KCNH1: variants seen among roughly 807,000 people sequenced by gnomAD.
KCNH1 encodes the protein voltage-gated delayed rectifier potassium channel KCNH1.
In KCNH1, 27 loss-of-function variants were observed where a neutral mutation model predicts 69.2. The observed-to-expected ratio is 0.39, with a 90% CI of 0.29 to 0.54. The LOEUF is 0.54. Ranked by LOEUF, KCNH1 falls within the 20% of genes least tolerant of loss-of-function variation. The pLI is 0.68. For synonymous variants in KCNH1, 456 were observed against 487.7 expected (o/e 0.93, Z 0.86); for missense variants, 798 against 1,261.6 (o/e 0.63, Z 5.57).
intron 1 of KCNH1, chr1:211,132,464 C>T (rs1470439376): frequency 3.3e-5 from 5 of 152,024 alleles, no homozygotes; most frequent in African/African-American, 1.2e-4. Flanking sequence ...AGGTGACTGA[C>T]CAGAAACACT....
rs146725201 is a variant in KCNH1 at position 210,868,913 on chromosome 1, G to T, written c.1462+50727C>A. ...TGTATAGATCTAAATTTCATTGATA[G>T]TATTTGCCTTGCATCTGAAGAACTT... On this transcript the variant is annotated intron_variant, in intron 7 of 10. Transcript: ENST00000271751. Among the ~76,000 whole-genome samples, 24 of 152,174 alleles carry T rather than the reference G, an allele frequency of 1.6e-4. No individual in the cohort carries two copies. In the East Asian group the frequency reaches 4.6e-3, roughly 29 times the overall value.
chr1:211,068,685 C>A lies in KCNH1; in HGVS notation c.558+14095G>T, dbSNP rs533533364. Reference sequence around the variant, plus strand: ...CTGGGATTACAGGCGTGAGCCACTGCGCCTGGCAACAACTCTTCTTAGATA... The same window carrying A: ...CTGGGATTACAGGCGTGAGCCACTGAGCCTGGCAACAACTCTTCTTAGATA... On this transcript the variant is annotated intron_variant, in intron 5 of 10. Transcript: ENST00000271751. Among the ~76,000 whole-genome samples, 17 of 152,254 alleles carry A rather than the reference C, an allele frequency of 1.1e-4. No homozygotes were observed. In the Middle Eastern group the frequency reaches 0.014, roughly 122 times the overall value.
At chr1:210,895,214 G>A (rs1000387069) in intron 7 of KCNH1, among the ~76,000 whole-genome samples, 2 of 149,472 alleles carry the variant, frequency 1.3e-5, no homozygotes, top group African/African-American at 4.9e-5. Flanking sequence ...ATATAACCTT[G>A]GACAAATTAA....
intron 5 of KCNH1, among the ~76,000 whole-genome samples, chr1:211,037,267 C>T (rs949896654): frequency 6.6e-6 from 1 of 152,108 alleles, no homozygotes. Flanking sequence ...AGCAAGGCCA[C>T]CAGCTCCAAG....
intron 10 of KCNH1, among the ~76,000 whole-genome samples, chr1:210,761,415 G>T (rs945114068): frequency 6.6e-5 from 10 of 151,900 alleles, no homozygotes; most frequent in Non-Finnish European, 1.3e-4. Flanking sequence ...AGTGTAAATG[G>T]TCTAAATGCT....
intron 10 of KCNH1, among the ~76,000 whole-genome samples, chr1:210,753,206 G>A (rs1683319278): frequency 6.6e-6 from 1 of 152,166 alleles, no homozygotes; most frequent in Non-Finnish European, 1.5e-5. Flanking sequence ...ATAATTAGGG[G>A]ATCCCCCAAG....
chr1:211,015,937 A>G (rs1027255586), intron 6 of KCNH1, among the ~76,000 whole-genome samples: 2 of 152,260 alleles, frequency 1.3e-5, no homozygotes, highest in African/African-American at 4.8e-5. Flanking sequence ...GTCTTACAGA[A>G]GGAAACAATA....
chr1:211,074,767 G>C (rs1009076235), intron 5 of KCNH1, among the ~76,000 whole-genome samples: 8 of 152,176 alleles, frequency 5.3e-5, no homozygotes, highest in Admixed American at 2.6e-4. Context: ...CATCCAGTCA[G>C]TCGAAAGGTG....
chr1:210,982,000 T>A (rs947798106), intron 6 of KCNH1, among the ~76,000 whole-genome samples: 1 of 151,828 alleles, frequency 6.6e-6, no homozygotes, highest in East Asian at 1.9e-4. Flanking sequence ...TTAATCTTAA[T>A]CCTCCCCCTC....
At chr1:211,047,492 G>A (rs1049284386) in intron 5 of KCNH1, among the ~76,000 whole-genome samples, 4 of 152,248 alleles carry the variant, frequency 2.6e-5, no homozygotes, top group Admixed American at 6.5e-5. Flanking sequence ...ATCAAGGTGC[G>A]GCTTTTGAAA....
At chr1:211,088,707 A>G (rs2102471567) in intron 4 of KCNH1, among the ~76,000 whole-genome samples, 1 of 152,306 alleles carries the variant, frequency 6.6e-6, no homozygotes, top group Middle Eastern at 3.4e-3. Context: ...GTATGTGTCA[A>G]ATTTTTATGA....
At chr1:211,017,472 AGCCTCTGTAATCTGAAGCAATGAGG>A (rs1571581765) in intron 6 of KCNH1, among the ~76,000 whole-genome samples, 1 of 152,134 alleles carries the variant, frequency 6.6e-6, no homozygotes, top group African/African-American at 2.4e-5. Flanking sequence ...AGACCTTGGG[AGCCTCTGTAATCTGAAGCAATGAGG>A]GCCCAGCTGA....
At chr1:211,007,875 T>A (rs544932601) in intron 6 of KCNH1, among the ~76,000 whole-genome samples, 15 of 152,214 alleles carry the variant, frequency 9.9e-5, no homozygotes, top group Admixed American at 3.3e-4. Context: ...CTCTCATCCA[T>A]TAAGATGGCT....
chr1:211,119,722 C>A (rs1300751179), intron 1 of KCNH1, among the ~76,000 whole-genome samples: 1 of 152,190 alleles, frequency 6.6e-6, no homozygotes, highest in Non-Finnish European at 1.5e-5. Context: ...GAAAATGACT[C>A]TTCTAAATTG....
At chr1:210,971,092 A>G (rs1688503740) in intron 6 of KCNH1, among the ~76,000 whole-genome samples, 1 of 152,146 alleles carries the variant, frequency 6.6e-6, no homozygotes, top group Non-Finnish European at 1.5e-5. Flanking sequence ...CCACAGTGAG[A>G]TACCATCTCA....
intron 9 of KCNH1, among the ~76,000 whole-genome samples, chr1:210,792,175 C>A (rs1276954521): frequency 1.8e-4 from 27 of 152,184 alleles, no homozygotes; most frequent in Admixed American, 1.8e-3. Context: ...GGTTCTCCCT[C>A]CCCTGATATC....
intron 7 of KCNH1, among the ~76,000 whole-genome samples, chr1:210,886,945 A>T (rs1686623219): frequency 6.6e-6 from 1 of 152,190 alleles, no homozygotes. Flanking sequence ...ATTGACGGAG[A>T]GAATGGAACC....
At chr1:210,963,389 G>T (rs1055514776) in intron 6 of KCNH1, among the ~76,000 whole-genome samples, 3 of 152,068 alleles carry the variant, frequency 2.0e-5, no homozygotes, top group East Asian at 3.9e-4. Context: ...TCCTCCAAAG[G>T]ATCACAACTC....
intron 5 of KCNH1, among the ~76,000 whole-genome samples, chr1:211,044,824 C>A (rs1159107658): frequency 6.6e-6 from 1 of 151,712 alleles, no homozygotes; most frequent in South Asian, 2.1e-4. Context: ...CTAGCACAAC[C>A]ACCATGGAAA....
Sources: allele counts gnomAD v4.1 joint callset (sites outside exome capture counted in the v4.1 genomes callset), GRCh38; gene constraint gnomAD v4.1.1; transcripts MANE v1.5; gene names NCBI Gene and HGNC (gene_info 2026-07-23, HGNC 2026-07-21).